Variants in ANKS1A observed in about 807,000 individuals in gnomAD.
The protein encoded by ANKS1A is ankyrin repeat and SAM domain-containing protein 1A.
ANKS1A carries 55 observed loss-of-function variants against 120.3 expected under a neutral mutation model. The observed-to-expected ratio is 0.46, with a 90% CI of 0.37 to 0.57. The LOEUF is 0.57. Ranked by LOEUF, ANKS1A falls within the 20% of genes least tolerant of loss-of-function variation. ANKS1A has a pLI of 0.00. For missense variants in ANKS1A, 1,123 were observed against 1,480.3 expected (o/e 0.76, Z 3.96); for synonymous variants, 590 against 604.7 (o/e 0.98, Z 0.36).
rs1777828110 is a variant in ANKS1A at position 35,084,056 on chromosome 6, T to C, written c.2995-65T>C. ...GAGAACAGTGACAATGGTAACAGGC[T>C]GGGGCAGGGGGTGCCAGAGGCATGC... On this transcript the variant is annotated intron_variant, in intron 20 of 23. Coordinates refer to ENST00000360359, the MANE Select transcript of ANKS1A (RefSeq NM_015245.3). The surrounding 1 kb of genome is among the most constrained non-coding windows in gnomAD (Gnocchi z 4.8). The C allele has an allele frequency of 6.3e-7, 1 of 1,598,650 alleles. No individual in the cohort carries two copies. Among genetic ancestry groups the C allele is most frequent in the African/African-American group, 1.3e-5 (1 of 74,860 alleles).
intron 10 of ANKS1A, among the ~76,000 whole-genome samples, chr6:35,006,046 G>T (rs1773431614): frequency 6.6e-6 from 1 of 152,000 alleles, no homozygotes; most frequent in South Asian, 2.1e-4. Flanking sequence ...AAATTAGCTG[G>T]GTGTGGTGGC....
intron 10 of ANKS1A, among the ~76,000 whole-genome samples, chr6:35,010,964 G>A (rs975444627): frequency 6.6e-6 from 1 of 152,218 alleles, no homozygotes; most frequent in African/African-American, 2.4e-5. Context: ...AAAGCTCACT[G>A]AGCCTGGTAA....
At position 35,017,947 on chromosome 6, in the gene ANKS1A, G is replaced by A. The variant is rs1222312511; in HGVS notation, c.1898G>A (p.Cys633Tyr). ...LSKSDSDLLT[C>Y]SPTEDATMGS... The stretch of plus-strand genomic sequence containing the variant: ...AAGTCTGACTCTGATCTCCTGACCT[G>A]CTCACCCACAGAGGACGCTACCATG... Residue 633 changes from cysteine (C) to tyrosine (Y), a missense_variant, in exon 11 of 24, where the codon TGC (cysteine) becomes TAC (tyrosine). Physicochemically the swap from Cys to Tyr is radical, Grantham distance 194. Transcript: ENST00000360359. 3.1e-6 allele frequency: 5 copies of A among 1,614,124 alleles called. No individual in the cohort carries two copies. The highest frequency in any genetic ancestry group is 4.2e-6 in the Non-Finnish European group (5 of 1,180,060).
At chr6:35,037,685 T>C (rs1255582404) in intron 11 of ANKS1A, among the ~76,000 whole-genome samples, 2 of 152,286 alleles carry the variant, frequency 1.3e-5, no homozygotes, top group East Asian at 1.9e-4. Context: ...TTGCTTTCAG[T>C]CTACCCAGTG....
Position 34,949,741 on chromosome 6 carries a change from G to A in ANKS1A, c.198-17498G>A, listed in dbSNP as rs185011526. ...GTACAATGTCTTCTAAAGTCCACTC[G>A]CCTTTGAAATCACTGAGCCATTTGG... On this transcript the variant is annotated intron_variant, in intron 1 of 23. Transcript: ENST00000360359. Among the ~76,000 whole-genome samples, 424 of 152,216 alleles carry A rather than the reference G, an allele frequency of 2.8e-3. 2 individuals are homozygous for A. Among genetic ancestry groups the A allele is most frequent in the African/African-American group, 7.1e-3 (296 of 41,532 alleles).
rs1778289150 is a variant in ANKS1A at position 35,091,202 on chromosome 6, T to C, written c.*2593T>C. 1.0e-6 allele frequency: 1 copy of C among 985,762 alleles called. No homozygotes were observed. The allele number at this position is 985,762 out of a possible 1,614,324, so 61.1% of individuals were successfully genotyped here. A position where few individuals can be genotyped will look rare whatever the true frequency, so the allele number is the denominator to read the frequency against. On this transcript the variant is annotated 3_prime_UTR_variant, in exon 24 of 24. Transcript: ENST00000360359. ...ACTTTCCCTTTTGTTTTACTGTATA[T>C]AAAATTGTTAATCTGTCTGATTTTG...
In ANKS1A at chr6:35,082,666, GT is replaced by G. The variant is rs1225482623; in HGVS notation, c.2710-24del. The G allele has an allele frequency of 6.3e-7, 1 of 1,595,792 alleles. No homozygotes were observed. Among genetic ancestry groups the G allele is most frequent in the East Asian group, 2.3e-5 (1 of 44,334 alleles). ...TGTGCTCCTCTGGAGCAAGGAGCAG[GT>G]GTCCAATTGCGTGTGTTTCGCAGGA... On this transcript the variant is annotated intron_variant, in intron 17 of 23. Coordinates refer to ENST00000360359, the MANE Select transcript of ANKS1A (RefSeq NM_015245.3). This position sits in a 1 kb window ranked among gnomAD's most constrained non-coding sequence, Gnocchi z 4.1.
chr6:34,972,719 A>T, intron 3 of ANKS1A: 1 of 721,730 alleles, frequency 1.4e-6, no homozygotes, highest in Non-Finnish European at 1.7e-6. Context: ...CTCCGCTTCT[A>T]CTCTTGTCCA....
chr6:34,958,535 G>A (rs1770481543), intron 1 of ANKS1A, among the ~76,000 whole-genome samples: 4 of 152,152 alleles, frequency 2.6e-5, no homozygotes, highest in Non-Finnish European at 4.4e-5. Context: ...AATAACAAAT[G>A]GACCATCTGA....
At chr6:35,043,991 C>T (rs1775600620) in intron 11 of ANKS1A, among the ~76,000 whole-genome samples, 1 of 152,216 alleles carries the variant, frequency 6.6e-6, no homozygotes. Flanking sequence ...TGAGTCTCTT[C>T]GAAGTACTTA....
intron 11 of ANKS1A, among the ~76,000 whole-genome samples, chr6:35,029,272 T>A (rs531307696): frequency 6.6e-6 from 1 of 152,184 alleles, no homozygotes; most frequent in South Asian, 2.1e-4. Flanking sequence ...GGCCTTGTGG[T>A]ATTTTTATGT....
At chr6:35,048,974 T>G (rs1157366409) in intron 11 of ANKS1A, among the ~76,000 whole-genome samples, 2 of 152,208 alleles carry the variant, frequency 1.3e-5, no homozygotes, top group African/African-American at 2.4e-5. Context: ...CGGCTGCCAG[T>G]GGCACCAGCG....
At chr6:35,026,246 T>C (rs533801613) in intron 11 of ANKS1A, among the ~76,000 whole-genome samples, 25 of 152,340 alleles carry the variant, frequency 1.6e-4, no homozygotes, top group African/African-American at 5.8e-4. Context: ...ATAGTTCATT[T>C]TATATTATTC....
At chr6:35,071,120 T>C (rs1160999187) in intron 13 of ANKS1A, 4 of 314,428 alleles carry the variant, frequency 1.3e-5, no homozygotes, top group Non-Finnish European at 2.4e-5. Context: ...TCAGAAAATC[T>C]TTGAATCCAC....
chr6:34,906,376 G>A (rs956301025), intron 1 of ANKS1A, among the ~76,000 whole-genome samples: 3 of 152,202 alleles, frequency 2.0e-5, no homozygotes, highest in Non-Finnish European at 2.9e-5. Context: ...GAGTGTGTGA[G>A]TGGGAGGTTG....
downstream of ANKS1A, among the ~76,000 whole-genome samples, chr6:35,094,301 T>C (rs1778394498): frequency 6.6e-6 from 1 of 152,078 alleles, no homozygotes; most frequent in Non-Finnish European, 1.5e-5. Flanking sequence ...TAGCCAGACA[T>C]GGTGGCACAA....
intron 13 of ANKS1A, among the ~76,000 whole-genome samples, chr6:35,063,374 C>T (rs1048501118): frequency 3.3e-5 from 5 of 152,230 alleles, no homozygotes; most frequent in African/African-American, 4.8e-5. Flanking sequence ...TTTGTAGCTC[C>T]GGGCGTGCTA....
At chr6:34,910,860 C>CAAAA (rs10715320) in intron 1 of ANKS1A, among the ~76,000 whole-genome samples, 2 of 80,270 alleles carry the variant, frequency 2.5e-5, no homozygotes, top group Non-Finnish European at 2.9e-5. Context: ...AACTCCATCT[C>CAAAA]AAAAAAAAAA....
intron 1 of ANKS1A, among the ~76,000 whole-genome samples, chr6:34,918,831 C>G (rs1768296555): frequency 6.6e-6 from 1 of 151,934 alleles, no homozygotes; most frequent in Non-Finnish European, 1.5e-5. Flanking sequence ...ACATTTTGAG[C>G]TTTATATACA....
Sources: gnomAD v4.1 joint callset for allele counts (sites outside exome capture counted in the v4.1 genomes callset) on GRCh38, gnomAD v4.1.1 for gene constraint, Gnocchi (gnomAD v3.1) non-coding constraint, MANE v1.5 for transcripts, NCBI Gene and HGNC (gene_info 2026-07-23, HGNC 2026-07-21) for gene names.